Variants in NPTN observed in about 807,000 individuals in gnomAD.
The protein encoded by NPTN is neuroplastin, also known as SDR-1.
In NPTN, 5 loss-of-function variants were observed where a neutral mutation model predicts 42.7. The observed-to-expected ratio is 0.12, with a 90% CI of 0.06 to 0.25. The LOEUF (loss-of-function observed/expected upper bound fraction) is 0.25, where lower values mean the gene tolerates loss of function less well. Ranked by LOEUF, NPTN falls within the 10% of genes least tolerant of loss-of-function variation. The probability of loss-of-function intolerance (pLI) is 1.00; values close to 1 mark genes in which losing one functional copy is unlikely to be tolerated. For synonymous variants in NPTN, 180 were observed against 201.9 expected, an observed-to-expected ratio of 0.89 and a Z score of 0.92; for missense variants, 307 against 525.4, an observed-to-expected ratio of 0.58 and a Z score of 4.06.
chr15:73,577,382 A>G (rs983317172), intron 4 of NPTN, among the ~76,000 whole-genome samples: 4 of 152,212 alleles, frequency 2.6e-5, no homozygotes, highest in Non-Finnish European at 5.9e-5. Flanking sequence ...TAAAACCCAA[A>G]GGGAGAGACT....
At chr15:73,617,174 T>C (rs995145542) in intron 1 of NPTN, among the ~76,000 whole-genome samples, 1 of 152,220 alleles carries the variant, frequency 6.6e-6, no homozygotes, top group African/African-American at 2.4e-5. Context: ...CATCACAGTA[T>C]GTAAATGACA....
At chr15:73,611,095 C>T (rs1177641238) in intron 1 of NPTN, among the ~76,000 whole-genome samples, 1 of 152,216 alleles carries the variant, frequency 6.6e-6, no homozygotes, top group African/African-American at 2.4e-5. Flanking sequence ...TACAGTTACA[C>T]TGAGCCAGAG....
intron 4 of NPTN, among the ~76,000 whole-genome samples, chr15:73,578,806 C>T (rs1895831598): frequency 6.6e-6 from 1 of 151,908 alleles, no homozygotes; most frequent in African/African-American, 2.4e-5. Context: ...CCAGCCTGGC[C>T]AACCTGGTGA....
At chr15:73,591,728 T>C (rs1035099793) in intron 3 of NPTN, 8 of 342,174 alleles carry the variant, frequency 2.3e-5, no homozygotes, top group Non-Finnish European at 4.3e-5. Context: ...CAGCCTCAGT[T>C]TCTCTATGAT....
In NPTN at chr15:73,560,097, CACAAGTACATGCATCT is replaced by C. The variant is rs1894571153; in HGVS notation, c.*950_*965del. The C allele has an allele frequency of 1.9e-6, 1 of 529,414 alleles. No individual in the cohort carries two copies. The highest frequency in any genetic ancestry group is 3.2e-6 in the Non-Finnish European group (1 of 312,876). The allele number at this position is 529,414 out of a possible 1,614,324, so 32.8% of individuals were successfully genotyped here. A position where few individuals can be genotyped will look rare whatever the true frequency, so the allele number is the denominator to read the frequency against. ...TGCACTTCAATAATTACACAAAACA[CACAAGTACATGCATCT>C]ACAATTACGCACCGCATGAGAACCG... On this transcript the variant is annotated 3_prime_UTR_variant, in exon 9 of 9. Transcript: ENST00000345330.
intron 4 of NPTN, among the ~76,000 whole-genome samples, chr15:73,580,614 G>C (rs1197395953): frequency 7.0e-6 from 1 of 143,162 alleles, no homozygotes; most frequent in Admixed American, 7.1e-5. Flanking sequence ...GTATATACAT[G>C]TTATATATGT....
chr15:73,579,635 A>T (rs749742161), intron 4 of NPTN, among the ~76,000 whole-genome samples: 6 of 152,094 alleles, frequency 3.9e-5, no homozygotes, highest in Non-Finnish European at 7.4e-5. Flanking sequence ...GGGGCTAGGA[A>T]CAGTCTTCAC....
At chr15:73,562,849 A>C (rs1188310225) in intron 7 of NPTN, among the ~76,000 whole-genome samples, 1 of 152,182 alleles carries the variant, frequency 6.6e-6, no homozygotes, top group South Asian at 2.1e-4. Context: ...ATAAAAAAAC[A>C]TTCCTTAAGT....
chr15:73,627,001 G>A (rs561481815), intron 1 of NPTN, among the ~76,000 whole-genome samples: 57 of 152,288 alleles, frequency 3.7e-4, no homozygotes, highest in Non-Finnish European at 7.4e-4. Context: ...TTGGGAGGCC[G>A]AGGTGGGCAG....
At chr15:73,612,582 A>G (rs1247482760) in intron 1 of NPTN, among the ~76,000 whole-genome samples, 1 of 151,978 alleles carries the variant, frequency 6.6e-6, no homozygotes, top group African/African-American at 2.4e-5. Flanking sequence ...CCTGGCTAAC[A>G]TGGTGAAACC....
intron 1 of NPTN, among the ~76,000 whole-genome samples, chr15:73,600,589 C>T (rs959589702): frequency 1.3e-5 from 2 of 152,186 alleles, no homozygotes; most frequent in African/African-American, 2.4e-5. Context: ...AAAGCATGGT[C>T]TCTTAACACT....
intron 3 of NPTN, 46 bp downstream of exon 3, chr15:73,591,920 A>T: frequency 6.4e-7 from 1 of 1,551,138 alleles, no homozygotes; most frequent in Non-Finnish European, 8.8e-7. Flanking sequence ...AAGTAAGCTC[A>T]GCCACACTCC....
intron 6 of NPTN, among the ~76,000 whole-genome samples, chr15:73,565,322 AC>A (rs1179138060): frequency 6.6e-6 from 1 of 152,296 alleles, no homozygotes; most frequent in East Asian, 1.9e-4. Flanking sequence ...AAACGACTTG[AC>A]CCCTAACAGG....
intron 1 of NPTN, among the ~76,000 whole-genome samples, chr15:73,623,861 G>A (rs904150696): frequency 6.6e-6 from 1 of 152,214 alleles, no homozygotes; most frequent in East Asian, 1.9e-4. Context: ...TACTTATAAT[G>A]GTTCTGACGA....
At chr15:73,573,285 C>T (rs1056259370) in intron 5 of NPTN, among the ~76,000 whole-genome samples, 6 of 152,156 alleles carry the variant, frequency 3.9e-5, no homozygotes, top group Admixed American at 2.6e-4. Context: ...GAAAGATCAT[C>T]TTTCCTGTGT....
In NPTN at chr15:73,576,875, GT is replaced by G. The variant is rs1359867109; in HGVS notation, c.707-3081del. On this transcript the variant is annotated intron_variant, in intron 4 of 8. Coordinates refer to ENST00000345330, the MANE Select transcript of NPTN (RefSeq NM_012428.4). The stretch of plus-strand genomic sequence containing the variant: ...ATCAGGCCAAGTACAGTAAGAATAA[GT>G]TTATTTTATAAATAAATCAGTTCTA... Among the ~76,000 whole-genome samples the G allele has an allele frequency of 1.6e-4, 24 of 152,274 alleles. 1 individual carries two copies. The highest frequency in any genetic ancestry group is 1.5e-3 in the Admixed American group (23 of 15,306).
chr15:73,571,025 A>T (rs1895349333), intron 5 of NPTN, among the ~76,000 whole-genome samples: 1 of 152,244 alleles, frequency 6.6e-6, no homozygotes, highest in African/African-American at 2.4e-5. Flanking sequence ...TCATGCCTGT[A>T]ATCTCAGCAC....
intron 4 of NPTN, among the ~76,000 whole-genome samples, chr15:73,581,436 G>T (rs952047700): frequency 1.3e-5 from 2 of 152,182 alleles, no homozygotes; most frequent in South Asian, 2.1e-4. Flanking sequence ...ACCCTTAGAA[G>T]AGAGTTCTGA....
intron 1 of NPTN, among the ~76,000 whole-genome samples, chr15:73,605,705 C>A (rs184201849): frequency 1.3e-3 from 185 of 139,146 alleles, no homozygotes; most frequent in African/African-American, 4.8e-3. Context: ...CCAGCCTGGG[C>A]AACAAGAGCG....
Sources: allele counts gnomAD v4.1 joint callset (sites outside exome capture counted in the v4.1 genomes callset), GRCh38; gene constraint gnomAD v4.1.1; transcripts MANE v1.5; gene names NCBI Gene and HGNC (gene_info 2026-07-23, HGNC 2026-07-21).